PTPRD: variants seen among roughly 807,000 people sequenced by gnomAD.
The protein encoded by PTPRD is protein tyrosine phosphatase receptor type D, also known as receptor-type tyrosine-protein phosphatase delta.
A neutral mutation model predicts 214.5 loss-of-function variants in PTPRD; 34 were observed. The observed-to-expected ratio is 0.16, with a 90% CI of 0.12 to 0.21. The LOEUF (loss-of-function observed/expected upper bound fraction) is 0.21, where lower values mean the gene tolerates loss of function less well. Among genes scored for constraint, PTPRD ranks in the 10% least tolerant of loss-of-function variants. The pLI is 1.00. For synonymous variants in PTPRD, 1,128 were observed against 845.7 expected (o/e 1.33, Z -5.79); for missense variants, 2,545 against 2,398.7 (o/e 1.06, Z -1.27).
At chr9:10,589,345 CAG>C (rs941720240) in intron 2 of PTPRD, among the ~76,000 whole-genome samples, 4 of 151,876 alleles carry the variant, frequency 2.6e-5, no homozygotes, top group Non-Finnish European at 4.4e-5. Flanking sequence ...GTTTTAGTCA[CAG>C]GGAAAGAAAG....
At chr9:10,036,532 AC>A (rs71506068) in intron 3 of PTPRD, among the ~76,000 whole-genome samples, 138 of 95,370 alleles carry the variant, frequency 1.4e-3, no homozygotes, top group East Asian at 0.014. Flanking sequence ...ACACACACAC[AC>A]AATTTTGCCA....
At chr9:9,487,492 G>A (rs1589674139) in intron 8 of PTPRD, among the ~76,000 whole-genome samples, 1 of 152,108 alleles carries the variant, frequency 6.6e-6, no homozygotes, top group African/African-American at 2.4e-5. Context: ...CCAAGTCTTT[G>A]CTATTGTGAA....
At chr9:10,427,949 C>T (rs1187873001) in intron 2 of PTPRD, among the ~76,000 whole-genome samples, 1 of 152,018 alleles carries the variant, frequency 6.6e-6, no homozygotes, top group Non-Finnish European at 1.5e-5. Context: ...CTGTTTTCCA[C>T]AGTTGCATGC....
At chr9:9,593,827 C>A (rs2093012075) in intron 7 of PTPRD, among the ~76,000 whole-genome samples, 1 of 152,030 alleles carries the variant, frequency 6.6e-6, no homozygotes, top group Non-Finnish European at 1.5e-5. Context: ...ATCCCTTCTT[C>A]AACACAGCAC....
rs118183593 is a variant in PTPRD, at chr9:10,311,139, T to C, written c.-545+29824A>G. On this transcript the variant is annotated intron_variant, in intron 3 of 45. Transcript: ENST00000381196. Reference sequence around the variant, plus strand: ...TTTACATGTGGTATGCAATCAGCAGTCTTCCCTTCCTTTTTCTCTAGTACT... The same window carrying C: ...TTTACATGTGGTATGCAATCAGCAGCCTTCCCTTCCTTTTTCTCTAGTACT... 2.0e-5 allele frequency among the ~76,000 whole-genome samples: 3 copies of C among 152,108 alleles called. No homozygotes were observed. In the East Asian group the frequency reaches 5.8e-4, roughly 30 times the overall value.
intron 2 of PTPRD, among the ~76,000 whole-genome samples, chr9:10,580,634 T>C (rs1255266819): frequency 1.3e-5 from 2 of 152,154 alleles, no homozygotes; most frequent in African/African-American, 2.4e-5. Context: ...ATAATAGTAG[T>C]ATTGGGTGTA....
chr9:10,183,859 C>A (rs1238926049), intron 3 of PTPRD, among the ~76,000 whole-genome samples: 1 of 152,128 alleles, frequency 6.6e-6, no homozygotes, highest in African/African-American at 2.4e-5. Context: ...AAAGTAAAGA[C>A]AGAACCACAA....
chr9:10,565,918 C>T (rs1449046245), intron 2 of PTPRD, among the ~76,000 whole-genome samples: 2 of 151,886 alleles, frequency 1.3e-5, no homozygotes, highest in South Asian at 2.1e-4. Context: ...AGGTTAACCA[C>T]TAATTTGACT....
intron 8 of PTPRD, among the ~76,000 whole-genome samples, chr9:9,507,410 A>G (rs569423361): frequency 1.3e-5 from 2 of 151,172 alleles, no homozygotes; most frequent in Non-Finnish European, 3.0e-5. Context: ...TAAAAATGTA[A>G]GGCTTTGTAC....
intron 35 of PTPRD, among the ~76,000 whole-genome samples, chr9:8,435,690 A>C (rs901692525): frequency 3.0e-5 from 4 of 135,046 alleles, no homozygotes; most frequent in Non-Finnish European, 6.3e-5. Context: ...TATATACCAC[A>C]ATATCCAAAT....
intron 3 of PTPRD, among the ~76,000 whole-genome samples, chr9:10,191,545 C>T (rs1054207410): frequency 6.6e-6 from 1 of 152,202 alleles, no homozygotes; most frequent in South Asian, 2.1e-4. Context: ...CAACACATTC[C>T]AAACTTTAGT....
At chr9:9,406,397 A>C (rs1289898800) in intron 8 of PTPRD, among the ~76,000 whole-genome samples, 2 of 151,900 alleles carry the variant, frequency 1.3e-5, no homozygotes, top group East Asian at 3.9e-4. Flanking sequence ...TTAAGAAAGT[A>C]AGAGATAGAA....
At chr9:9,978,533 A>G (rs997194171) in intron 4 of PTPRD, among the ~76,000 whole-genome samples, 10 of 152,110 alleles carry the variant, frequency 6.6e-5, no homozygotes, top group Non-Finnish European at 1.5e-5. Context: ...AAAATTTAAA[A>G]AATAAATAAA....
At chr9:9,944,926 C>T (rs2092327540) in intron 4 of PTPRD, among the ~76,000 whole-genome samples, 1 of 151,626 alleles carries the variant, frequency 6.6e-6, no homozygotes, top group South Asian at 2.1e-4. Flanking sequence ...AAATGAGAAG[C>T]AGAAAAACAA....
intron 9 of PTPRD, among the ~76,000 whole-genome samples, chr9:9,271,191 G>A (rs1414724073): frequency 6.6e-6 from 1 of 150,970 alleles, no homozygotes; most frequent in Non-Finnish European, 1.5e-5. Flanking sequence ...TCAATTTATA[G>A]TTATTCCCTA....
intron 10 of PTPRD, among the ~76,000 whole-genome samples, chr9:9,104,451 C>G (rs916201343): frequency 1.3e-5 from 2 of 152,118 alleles, no homozygotes; most frequent in Admixed American, 6.5e-5. Flanking sequence ...TAAGTCTTGG[C>G]TAACATATAT....
intron 10 of PTPRD, among the ~76,000 whole-genome samples, chr9:9,034,775 C>A (rs1037058790): frequency 6.6e-6 from 1 of 152,120 alleles, no homozygotes; most frequent in Non-Finnish European, 1.5e-5. Flanking sequence ...AGAAATAACA[C>A]CTACCTCACA....
chr9:8,830,119 C>G (rs1037406841), intron 11 of PTPRD, among the ~76,000 whole-genome samples: 16 of 152,094 alleles, frequency 1.1e-4, no homozygotes, highest in Non-Finnish European at 2.9e-5. Context: ...TTAAGCATCA[C>G]TATAGCATAG....
Position 9,478,689 on chromosome 9 carries a change from T to C in PTPRD, c.-236-81207A>G, listed in dbSNP as rs191420638. ...CAAAGGTTCATAGAGTATTGAATAATATTAAAGTTGAAAATTAATTAATCT... is the reference window on the plus strand; with the variant it reads ...CAAAGGTTCATAGAGTATTGAATAACATTAAAGTTGAAAATTAATTAATCT... On this transcript the variant is annotated intron_variant, in intron 8 of 45. Coordinates refer to ENST00000381196, the MANE Select transcript of PTPRD (RefSeq NM_002839.4). Among the ~76,000 whole-genome samples the C allele has an allele frequency of 4.0e-3, 603 of 152,328 alleles. 7 individuals are homozygous for C. Among genetic ancestry groups the C allele is most frequent in the African/African-American group, 0.013 (555 of 41,574 alleles).
Sources: allele counts gnomAD v4.1 joint callset (sites outside exome capture counted in the v4.1 genomes callset), GRCh38; gene constraint gnomAD v4.1.1; transcripts MANE v1.5; gene names NCBI Gene and HGNC (gene_info 2026-07-23, HGNC 2026-07-21).